GPC6: variants seen among roughly 807,000 people sequenced by gnomAD.
GPC6 encodes glypican 6, also known as glypican-6.
Under a neutral mutation model 55.2 loss-of-function variants are expected in GPC6, and 14 were observed. The ratio of observed to expected loss-of-function variants is 0.25; its 90% CI spans 0.17 to 0.40. The LOEUF is 0.40. GPC6 is among the 10% of genes least tolerant of loss of function. The pLI, the probability that GPC6 is intolerant of heterozygous loss-of-function variation, is 1.00. For synonymous variants in GPC6, 278 were observed against 259.6 expected (o/e 1.07, Z -0.68); for missense variants, 641 against 708.5 (o/e 0.90, Z 1.08).
intron 1 of GPC6, among the ~76,000 whole-genome samples, chr13:93,432,742 A>T (rs1019035521): frequency 3.3e-5 from 5 of 152,292 alleles, no homozygotes; most frequent in African/African-American, 1.2e-4. Context: ...AAAAGTAATG[A>T]TATTTATCTC....
intron 3 of GPC6, among the ~76,000 whole-genome samples, chr13:93,972,030 G>A (rs1255027518): frequency 1.3e-5 from 2 of 152,182 alleles, no homozygotes; most frequent in Non-Finnish European, 2.9e-5. Flanking sequence ...GGCAGAGAAG[G>A]CTGACAAAAT....
chr13:93,865,426 G>A (rs1342756318), intron 3 of GPC6, among the ~76,000 whole-genome samples: 9 of 151,808 alleles, frequency 5.9e-5, no homozygotes, highest in Non-Finnish European at 4.4e-5. Context: ...AGGATTCTGC[G>A]GATTATGACT....
At chr13:93,765,289 G>A (rs75097588) in intron 2 of GPC6, among the ~76,000 whole-genome samples, 9,323 of 115,836 alleles carry the variant, frequency 0.08, 674 homozygotes, top group South Asian at 0.21. Context: ...TTCCAGATAA[G>A]CTGTCTGGAA....
chr13:93,775,121 T>C (rs746548311), intron 2 of GPC6, among the ~76,000 whole-genome samples: 2 of 152,216 alleles, frequency 1.3e-5, no homozygotes, highest in Non-Finnish European at 2.9e-5. Context: ...GCTTACTGCA[T>C]GCTAGGCACT....
chr13:93,445,390 A>G (rs957391132), intron 1 of GPC6, among the ~76,000 whole-genome samples: 44 of 152,100 alleles, frequency 2.9e-4, no homozygotes, highest in African/African-American at 9.9e-4. Flanking sequence ...TCATTTTTGT[A>G]TGTGATGTCT....
At chr13:94,001,485 G>A (rs4773769) in intron 3 of GPC6, among the ~76,000 whole-genome samples, 151,326 of 152,280 alleles carry the variant, frequency 0.99, 75,194 homozygotes, top group Middle Eastern at 1. Flanking sequence ...GAAATGATGT[G>A]TACACTAAAT....
chr13:93,672,211 G>A (rs1410519647), intron 2 of GPC6, among the ~76,000 whole-genome samples: 6 of 147,570 alleles, frequency 4.1e-5, no homozygotes, highest in Non-Finnish European at 4.5e-5. Flanking sequence ...GTGTGTGTGT[G>A]TATATGTGTG....
At chr13:93,861,823 C>A (rs1470182417) in intron 3 of GPC6, among the ~76,000 whole-genome samples, 1 of 151,660 alleles carries the variant, frequency 6.6e-6, no homozygotes, top group African/African-American at 2.4e-5. Flanking sequence ...GTTACTTCAT[C>A]CTTCTGGACG....
chr13:93,325,481 A>T (rs1879622522), intron 1 of GPC6, among the ~76,000 whole-genome samples: 1 of 152,154 alleles, frequency 6.6e-6, no homozygotes, highest in Non-Finnish European at 1.5e-5. Context: ...GATGTGGTGG[A>T]GGCAGATGAG....
intron 4 of GPC6, among the ~76,000 whole-genome samples, chr13:94,180,285 T>G (rs1239508745): frequency 6.6e-6 from 1 of 152,228 alleles, no homozygotes; most frequent in Non-Finnish European, 1.5e-5. Flanking sequence ...ACGTGAACAC[T>G]AACTCCTTAA....
intron 1 of GPC6, among the ~76,000 whole-genome samples, chr13:93,497,878 T>C (rs1880366233): frequency 6.6e-6 from 1 of 152,216 alleles, no homozygotes; most frequent in African/African-American, 2.4e-5. Flanking sequence ...GGAAATCTTG[T>C]AGTTCAAATC....
intron 4 of GPC6, among the ~76,000 whole-genome samples, chr13:94,194,213 A>T (rs1362902909): frequency 6.6e-6 from 1 of 152,246 alleles, no homozygotes; most frequent in Non-Finnish European, 1.5e-5. Flanking sequence ...GATTTAGCCA[A>T]TAAAAGTATA....
At chr13:93,506,892 TAC>T (rs1222302917) in intron 1 of GPC6, among the ~76,000 whole-genome samples, 7 of 20,594 alleles carry the variant, frequency 3.4e-4, no homozygotes, top group Non-Finnish European at 5.6e-4. Flanking sequence ...AAAAAGAAAA[TAC>T]AAAAAAAAAA....
intron 4 of GPC6, among the ~76,000 whole-genome samples, chr13:94,256,927 G>A (rs1053414224): frequency 6.6e-6 from 1 of 152,184 alleles, no homozygotes; most frequent in African/African-American, 2.4e-5. Flanking sequence ...GGATAGCACA[G>A]CGATCTGCCT....
At chr13:93,817,686 C>T (rs1460755718) in intron 2 of GPC6, among the ~76,000 whole-genome samples, 2 of 151,942 alleles carry the variant, frequency 1.3e-5, no homozygotes, top group African/African-American at 4.8e-5. Flanking sequence ...TGGCAAAACA[C>T]CATCTCTGCA....
At chr13:93,395,248 A>G (rs1875801986) in intron 1 of GPC6, 4 of 446,048 alleles carry the variant, frequency 9.0e-6, no homozygotes, top group Non-Finnish European at 1.7e-5. Flanking sequence ...AACCACTTGC[A>G]CAACCACCAC....
intron 4 of GPC6, among the ~76,000 whole-genome samples, chr13:94,098,353 C>G (rs1325833084): frequency 6.6e-6 from 1 of 152,078 alleles, no homozygotes; most frequent in Non-Finnish European, 1.5e-5. Context: ...TGTTACTTTC[C>G]TTAGCCTATC....
chr13:94,193,630 G>A (rs868860815), intron 4 of GPC6, among the ~76,000 whole-genome samples: 11 of 152,082 alleles, frequency 7.2e-5, no homozygotes, highest in Admixed American at 6.6e-5. Context: ...TCGCAGTGTC[G>A]CTTGGGGTAT....
intron 1 of GPC6, among the ~76,000 whole-genome samples, chr13:93,481,335 G>T (rs1879514913): frequency 1.3e-5 from 2 of 151,734 alleles, no homozygotes; most frequent in Admixed American, 1.3e-4. Context: ...TTGGAATATG[G>T]GCCCTTTAGT....
Sources: allele counts gnomAD v4.1 joint callset (sites outside exome capture counted in the v4.1 genomes callset), GRCh38; gene constraint gnomAD v4.1.1; transcripts MANE v1.5; gene names NCBI Gene and HGNC (gene_info 2026-07-23, HGNC 2026-07-21).